Variants in CTNND2 observed in about 807,000 individuals in gnomAD.
CTNND2 encodes catenin delta-2.
In CTNND2, 22 loss-of-function variants were observed where a neutral mutation model predicts 144.4. That is an observed-to-expected ratio of 0.15 (90% confidence interval 0.11 to 0.22). CTNND2 has a LOEUF of 0.22. Among genes scored for constraint, CTNND2 ranks in the 10% least tolerant of loss-of-function variants. The pLI, the probability that CTNND2 is intolerant of heterozygous loss-of-function variation, is 1.00. For synonymous variants in CTNND2, 751 were observed against 695.6 expected (o/e 1.08, Z -1.25); for missense variants, 1,353 against 1,618.8 (o/e 0.84, Z 2.82).
chr5:11,345,903 C>A (rs1375270977), intron 9 of CTNND2, among the ~76,000 whole-genome samples: 2 of 151,976 alleles, frequency 1.3e-5, no homozygotes, highest in African/African-American at 4.8e-5. Context: ...TATTTTCAGA[C>A]ATAGAGAAAT....
intron 2 of CTNND2, among the ~76,000 whole-genome samples, chr5:11,724,781 C>T (rs1430477679): frequency 6.6e-6 from 1 of 152,176 alleles, no homozygotes; most frequent in Non-Finnish European, 1.5e-5. Flanking sequence ...TTAATTTGAG[C>T]ATAATTTCTT....
intron 3 of CTNND2, among the ~76,000 whole-genome samples, chr5:11,470,985 T>A (rs1299799836): frequency 0.015 from 1,866 of 124,082 alleles, 30 homozygotes; most frequent in African/African-American, 0.045. Flanking sequence ...TATATATTTT[T>A]TTTTTTTTTT....
chr5:11,592,988 T>C (rs62338626), intron 2 of CTNND2, among the ~76,000 whole-genome samples: 55,171 of 151,548 alleles, frequency 0.36, 10,779 homozygotes, highest in Middle Eastern at 0.61. Flanking sequence ...AACATGACAC[T>C]GCAGTGCAGA....
At chr5:11,033,279 G>A (rs1216987492) in intron 16 of CTNND2, among the ~76,000 whole-genome samples, 1 of 152,180 alleles carries the variant, frequency 6.6e-6, no homozygotes, top group Non-Finnish European at 1.5e-5. Context: ...AAGACATCCA[G>A]TCAGAAGTTC....
chr5:11,539,473 A>G (rs1774524959), intron 3 of CTNND2, among the ~76,000 whole-genome samples: 1 of 152,144 alleles, frequency 6.6e-6, no homozygotes, highest in South Asian at 2.1e-4. Context: ...ACCTATAATA[A>G]CTTGCTGTTT....
At chr5:11,415,028 C>T (rs1479967020) in intron 3 of CTNND2, among the ~76,000 whole-genome samples, 1 of 152,126 alleles carries the variant, frequency 6.6e-6, no homozygotes, top group Non-Finnish European at 1.5e-5. Context: ...GATTCCATGT[C>T]TTTGCTATTG....
intron 2 of CTNND2, among the ~76,000 whole-genome samples, chr5:11,699,338 T>C (rs1404665906): frequency 6.6e-6 from 1 of 152,108 alleles, no homozygotes; most frequent in Non-Finnish European, 1.5e-5. Flanking sequence ...GAGGTAGGAA[T>C]GGCCTATTTC....
intron 2 of CTNND2, among the ~76,000 whole-genome samples, chr5:11,699,132 A>T (rs1048447506): frequency 4.6e-5 from 7 of 152,196 alleles, no homozygotes; most frequent in African/African-American, 1.7e-4. Flanking sequence ...ACATATGTCA[A>T]TTCTATCGAA....
intron 9 of CTNND2, among the ~76,000 whole-genome samples, chr5:11,301,963 G>A (rs572434499): frequency 1.6e-4 from 24 of 152,244 alleles, no homozygotes; most frequent in East Asian, 1.9e-4. Context: ...TGAGGAAGAG[G>A]GAGTGGGTAA....
chr5:11,569,546 T>C (rs1410825308), intron 2 of CTNND2, among the ~76,000 whole-genome samples: 1 of 152,182 alleles, frequency 6.6e-6, no homozygotes, highest in Non-Finnish European at 1.5e-5. Flanking sequence ...GATAAAAGCA[T>C]GTAAAGTCTC....
At chr5:10,992,730 C>T (rs528820752) in intron 18 of CTNND2, 53 bp from the exon 19 acceptor site, 3 of 1,587,956 alleles carry the variant, frequency 1.9e-6, no homozygotes, top group South Asian at 1.1e-5. Context: ...TGATTTTTCA[C>T]CTCCGGACAT....
intron 2 of CTNND2, among the ~76,000 whole-genome samples, chr5:11,590,478 G>C (rs1779163807): frequency 6.6e-6 from 1 of 152,092 alleles, no homozygotes; most frequent in African/African-American, 2.4e-5. Flanking sequence ...GGTCCTCTAA[G>C]CTGGCCGCAC....
At chr5:11,803,085 G>A (rs1295958983) in intron 1 of CTNND2, among the ~76,000 whole-genome samples, 1 of 152,134 alleles carries the variant, frequency 6.6e-6, no homozygotes, top group African/African-American at 2.4e-5. Flanking sequence ...ACTTTGGGAG[G>A]CCGAGGCGGG....
At chr5:11,856,320 G>A (rs1423150163) in intron 1 of CTNND2, among the ~76,000 whole-genome samples, 3 of 152,202 alleles carry the variant, frequency 2.0e-5, no homozygotes, top group Non-Finnish European at 2.9e-5. Flanking sequence ...CAGAGGGAAC[G>A]AGGTAAGAAG....
chr5:11,162,082 G>C (rs1054543111), intron 11 of CTNND2, among the ~76,000 whole-genome samples: 4 of 122,260 alleles, frequency 3.3e-5, no homozygotes, highest in Non-Finnish European at 5.1e-5. Context: ...CCTGGGAGTG[G>C]GGGGGGGTTG....
At chr5:11,757,078 T>C (rs1346054702) in intron 1 of CTNND2, among the ~76,000 whole-genome samples, 1 of 151,760 alleles carries the variant, frequency 6.6e-6, no homozygotes, top group African/African-American at 2.4e-5. Context: ...TGAGCAGTCA[T>C]ATTTTATGGG....
At chr5:11,433,097 T>A (rs1413924463) in intron 3 of CTNND2, among the ~76,000 whole-genome samples, 1 of 151,818 alleles carries the variant, frequency 6.6e-6, no homozygotes, top group Non-Finnish European at 1.5e-5. Flanking sequence ...ACAAAAAAAA[T>A]TAGCTGGGTG....
intron 1 of CTNND2, among the ~76,000 whole-genome samples, chr5:11,838,586 T>TA (rs1233768914): frequency 6.6e-6 from 1 of 152,164 alleles, no homozygotes; most frequent in Non-Finnish European, 1.5e-5. Flanking sequence ...GCTGACTACT[T>TA]AAAGTTCTAC....
In CTNND2 at chr5:11,236,836, A is replaced by C; in HGVS notation, c.1629-13T>G. 6.2e-7 allele frequency: 1 copy of C among 1,613,938 alleles called. No homozygotes were observed. Among genetic ancestry groups the C allele is most frequent in the Non-Finnish European group, 8.5e-7 (1 of 1,179,896 alleles). On this transcript the variant is annotated splice_polypyrimidine_tract_variant and intron_variant, in intron 9 of 21. Coordinates refer to ENST00000304623, the MANE Select transcript of CTNND2 (RefSeq NM_001332.4). ...CCATCCAAATTCTCTGAACAAAAGG[A>C]AAGAAGCGGGGAGAATATGAGAGAG...
Sources: gnomAD v4.1 joint callset for allele counts (sites outside exome capture counted in the v4.1 genomes callset) on GRCh38, gnomAD v4.1.1 for gene constraint, MANE v1.5 for transcripts, NCBI Gene and HGNC (gene_info 2026-07-23, HGNC 2026-07-21) for gene names.